The following BMAL2 variants were observed in gnomAD, a reference collection of about 807,000 sequenced individuals.
BMAL2 encodes basic helix-loop-helix ARNT-like protein 2.
chr12:27,342,774 A>G, the BMAL2 span, among the ~76,000 whole-genome samples: 4 of 152,246 alleles, frequency 2.6e-5, no homozygotes, highest in African/African-American at 9.6e-5. Flanking sequence ...TTCTGTAACA[A>G]GTCACCGAGG....
the BMAL2 span, among the ~76,000 whole-genome samples, chr12:27,357,701 A>G: frequency 6.6e-6 from 1 of 152,230 alleles, no homozygotes; most frequent in Admixed American, 6.5e-5. Context: ...TAGAGAACCC[A>G]GAAATAAAGC....
the BMAL2 span, among the ~76,000 whole-genome samples, chr12:27,400,307 T>G: frequency 6.6e-6 from 1 of 152,186 alleles, no homozygotes. Flanking sequence ...TTTTTTCATG[T>G]AGTACATACA....
chr12:27,342,893 G>A, the BMAL2 span, among the ~76,000 whole-genome samples: 1 of 152,184 alleles, frequency 6.6e-6, no homozygotes, highest in Non-Finnish European at 1.5e-5. Flanking sequence ...AACTTGAAAT[G>A]CTAGCACTTT....
At chr12:27,349,720 A>T in the BMAL2 span, among the ~76,000 whole-genome samples, 7,016 of 152,230 alleles carry the variant, frequency 0.046, 541 homozygotes, top group African/African-American at 0.16. Context: ...AAATCCTTCA[A>T]CATTTATCTC....
At chr12:27,373,669 A>G in the BMAL2 span, among the ~76,000 whole-genome samples, 1 of 152,186 alleles carries the variant, frequency 6.6e-6, no homozygotes, top group African/African-American at 2.4e-5. Context: ...AGCACGTTCC[A>G]AAAAGAGGAA....
chr12:27,346,909 C>G, the BMAL2 span, among the ~76,000 whole-genome samples: 4 of 152,090 alleles, frequency 2.6e-5, no homozygotes, highest in African/African-American at 9.7e-5. Flanking sequence ...CGAGTTCTCA[C>G]TCTAATTGTT....
chr12:27,419,692 A>C, the BMAL2 span, among the ~76,000 whole-genome samples: 2 of 152,176 alleles, frequency 1.3e-5, no homozygotes, highest in African/African-American at 4.8e-5. Context: ...GACTTGAAGG[A>C]ATTTGGATAT....
chr12:27,407,774 G>T, the BMAL2 span, among the ~76,000 whole-genome samples: 3,367 of 150,934 alleles, frequency 0.022, 123 homozygotes, highest in African/African-American at 0.078. Context: ...AGAGACACAA[G>T]AAACCCTTCA....
chr12:27,376,282 C>A, the BMAL2 span: 1 of 1,406,852 alleles, frequency 7.1e-7, no homozygotes. Context: ...ACATCTATTT[C>A]TCTATCAAGA....
chr12:27,382,228 G>A, the BMAL2 span, among the ~76,000 whole-genome samples: 3 of 152,298 alleles, frequency 2.0e-5, no homozygotes, highest in Non-Finnish European at 2.9e-5. Context: ...GAAATTAGCT[G>A]AGTATTTTCA....
chr12:27,406,467 C>G, the BMAL2 span, among the ~76,000 whole-genome samples: 1 of 152,122 alleles, frequency 6.6e-6, no homozygotes, highest in African/African-American at 2.4e-5. Flanking sequence ...GAATTTTCAA[C>G]CCAGAAGTTC....
At chr12:27,359,210 C>T in the BMAL2 span, among the ~76,000 whole-genome samples, 1 of 152,084 alleles carries the variant, frequency 6.6e-6, no homozygotes, top group African/African-American at 2.4e-5. Context: ...GAAAGTACGC[C>T]TCCTTGTTTG....
the BMAL2 span, among the ~76,000 whole-genome samples, chr12:27,375,743 T>G: frequency 6.6e-6 from 1 of 152,254 alleles, no homozygotes; most frequent in African/African-American, 2.4e-5. Context: ...GATTTTTAAA[T>G]GCTGACAGTC....
At chr12:27,346,157 T>C in the BMAL2 span, among the ~76,000 whole-genome samples, 1 of 152,226 alleles carries the variant, frequency 6.6e-6, no homozygotes, top group African/African-American at 2.4e-5. Context: ...CTAATTTCCC[T>C]CCCATGTTTC....
chr12:27,344,890 G>A, the BMAL2 span, among the ~76,000 whole-genome samples: 2 of 152,132 alleles, frequency 1.3e-5, no homozygotes, highest in Non-Finnish European at 2.9e-5. Flanking sequence ...GGTGCCTGGC[G>A]TGTCAGGAAT....
At chr12:27,333,208 A>G in the BMAL2 span, 1 of 1,115,222 alleles carries the variant, frequency 9.0e-7, no homozygotes, top group Non-Finnish European at 1.1e-6. Flanking sequence ...CCCCGAGGGA[A>G]GCGCCCGCGC....
At chr12:27,347,373 C>G in the BMAL2 span, among the ~76,000 whole-genome samples, 1 of 152,190 alleles carries the variant, frequency 6.6e-6, no homozygotes, top group Non-Finnish European at 1.5e-5. Flanking sequence ...CAGAGGCATT[C>G]AAAGCCTTTG....
At chr12:27,351,614 A>T in the BMAL2 span, among the ~76,000 whole-genome samples, 1 of 152,204 alleles carries the variant, frequency 6.6e-6, no homozygotes, top group Non-Finnish European at 1.5e-5. Flanking sequence ...ATCCCTACGT[A>T]GGGACAGCCC....
At chr12:27,424,413 T>C in the BMAL2 span, 24 of 152,340 alleles carry the variant, frequency 1.6e-4, no homozygotes, top group South Asian at 4.3e-3. Flanking sequence ...AAATGAGTTA[T>C]ATGGTCATCA....
Sources: gnomAD v4.1 joint callset for allele counts (sites outside exome capture counted in the v4.1 genomes callset) on GRCh38, gnomAD v4.1.1 for gene constraint, MANE v1.5 for transcripts, NCBI Gene and HGNC (gene_info 2026-07-23, HGNC 2026-07-21) for gene names.